CCDC167: variants seen among roughly 807,000 people sequenced by gnomAD.
CCDC167 encodes coiled-coil domain containing 167.
In CCDC167, 15 loss-of-function variants were observed where a neutral mutation model predicts 12.7. The ratio of observed to expected loss-of-function variants is 1.18; its 90% CI spans 0.79 to 1.81. CCDC167 has a LOEUF of 1.81. CCDC167 is among the 40% of genes most tolerant of loss of function. CCDC167 has a pLI of 0.00. For missense variants in CCDC167, 121 were observed against 120.1 expected (o/e 1.01, Z -0.03); for synonymous variants, 52 against 49.0 (o/e 1.06, Z -0.26).
At chr6:37,491,810 C>CTG (rs2113907829) in intron 1 of CCDC167, among the ~76,000 whole-genome samples, 1 of 152,346 alleles carries the variant, frequency 6.6e-6, no homozygotes, top group South Asian at 2.1e-4. Context: ...CGCAAGAACC[C>CTG]TGTGAGGTGG....
At chr6:37,483,550 G>A (rs1761898508) in intron 3 of CCDC167, among the ~76,000 whole-genome samples, 1 of 152,236 alleles carries the variant, frequency 6.6e-6, no homozygotes, top group African/African-American at 2.4e-5. Context: ...TTGAGGGTGA[G>A]GTGGGTGAGG....
chr6:37,499,681 C>A, intron 1 of CCDC167, 141 bp downstream of exon 1: 3 of 974,246 alleles, frequency 3.1e-6, no homozygotes, highest in Non-Finnish European at 4.8e-6. Flanking sequence ...CTTCTCACCC[C>A]TCCCGTCCCT....
At position 37,498,547 on chromosome 6, in the gene CCDC167, T is replaced by C. The variant is rs1581769690; in HGVS notation, c.42+1275A>G. ...AAAAAAAATGCAGATTCTGGCCGGC[T>C]GTGGTGGCTCATGCCTGTAATCCCA... On this transcript the variant is annotated intron_variant, in intron 1 of 3. Transcript: ENST00000373408. 2.0e-5 allele frequency among the ~76,000 whole-genome samples: 3 copies of C among 149,802 alleles called. No individual in the cohort carries two copies. The South Asian group carries it at 6.3e-4, about 32-fold the overall frequency.
At chr6:37,498,071 C>A (rs532519649) in intron 1 of CCDC167, among the ~76,000 whole-genome samples, 23 of 152,230 alleles carry the variant, frequency 1.5e-4, no homozygotes, top group African/African-American at 5.3e-4. Context: ...GCCACAAAAG[C>A]ACTGTGAGTA....
intron 1 of CCDC167, among the ~76,000 whole-genome samples, chr6:37,498,484 A>G (rs572152060): frequency 1.3e-5 from 2 of 151,026 alleles, no homozygotes; most frequent in African/African-American, 4.9e-5. Flanking sequence ...CACTAAAACT[A>G]CCCACATCAC....
intron 3 of CCDC167, among the ~76,000 whole-genome samples, chr6:37,483,720 C>G (rs1336994083): frequency 6.6e-6 from 1 of 152,212 alleles, no homozygotes; most frequent in Non-Finnish European, 1.5e-5. Flanking sequence ...TTGGGCCTGA[C>G]AGTGGAGGAG....
At chr6:37,487,551 T>C (rs1761960599) in intron 1 of CCDC167, among the ~76,000 whole-genome samples, 1 of 152,250 alleles carries the variant, frequency 6.6e-6, no homozygotes, top group Non-Finnish European at 1.5e-5. Context: ...GTGAGATTTC[T>C]CCTTAACAGT....
At position 37,496,625 on chromosome 6, in the gene CCDC167, A is replaced by G. The variant is rs148744636; in HGVS notation, c.42+3197T>C. ...CATGGTGGAAGGATGCAAAAGAAAT[A>G]CAAAGGCTGGAGCTACCATGTATTG... On this transcript the variant is annotated intron_variant, in intron 1 of 3. Transcript: ENST00000373408. 1.6e-4 allele frequency among the ~76,000 whole-genome samples: 24 copies of G among 152,296 alleles called. No homozygotes were observed. In the East Asian group the frequency reaches 4.0e-3, roughly 26 times the overall value.
rs541234466 is a variant in CCDC167 at position 37,483,269 on chromosome 6, G to C, written c.211C>G (p.Arg71Gly). 1 of 1,613,848 alleles carries C rather than the reference G, an allele frequency of 6.2e-7. No individual in the cohort carries two copies. The highest frequency in any genetic ancestry group is 1.1e-5 in the South Asian group (1 of 91,052). ...SNYEKELKFL[R>G]QENRKNMLLS... is the part of the protein sequence containing the mutation. ...AGCATGTTCTTCCGGTTCTCTTGCC[G>C]AAGAAACTTCAGTTCCTTCTCTGGG... Residue 71 changes from arginine to glycine, a missense_variant, in exon 4 of 4, where the codon CGG becomes GGG. Physicochemically the swap from Arg to Gly is moderately radical, Grantham distance 125 (BLOSUM62 -2). Transcript: ENST00000373408.
intron 1 of CCDC167, 123 bp from the exon 2 acceptor site, chr6:37,485,317 G>A (rs1437717638): frequency 2.8e-6 from 2 of 709,050 alleles, no homozygotes; most frequent in African/African-American, 1.8e-5. Context: ...TTTTGGCAGG[G>A]CAGGGCACCC....
intron 1 of CCDC167, among the ~76,000 whole-genome samples, chr6:37,497,134 G>A (rs1762106049): frequency 6.6e-6 from 1 of 152,254 alleles, no homozygotes; most frequent in South Asian, 2.1e-4. Flanking sequence ...TAAAGCTTTA[G>A]TGGAACACTG....
chr6:37,499,430 C>G (rs1465548060), intron 1 of CCDC167, among the ~76,000 whole-genome samples: 1 of 152,098 alleles, frequency 6.6e-6, no homozygotes, highest in African/African-American at 2.4e-5. Context: ...GAGTCCTAGC[C>G]CTTTGGGAGT....
chr6:37,498,717 C>T (rs559783080), intron 1 of CCDC167, among the ~76,000 whole-genome samples: 3 of 152,008 alleles, frequency 2.0e-5, no homozygotes, highest in South Asian at 2.1e-4. Context: ...CCCAGCTACT[C>T]GGGAGGCTGA....
intron 1 of CCDC167, among the ~76,000 whole-genome samples, chr6:37,494,821 T>TTTTTTTTTTTG (rs57496870): frequency 1.3e-5 from 2 of 150,040 alleles, no homozygotes; most frequent in Non-Finnish European, 1.5e-5. Context: ...TTTTTTTTTT[T>TTTTTTTTTTTG]GAGACGGGGT....
rs755263071 is a variant in CCDC167 at position 37,483,146 on chromosome 6, C to T, written c.*40G>A. Reference sequence around the variant, plus strand: ...TGCCTGCTTGATCCTGATCAAGGGGCCAAGTGGAAGCCTGTGCTGGTTGTG... The same window carrying T: ...TGCCTGCTTGATCCTGATCAAGGGGTCAAGTGGAAGCCTGTGCTGGTTGTG... On this transcript the variant is annotated 3_prime_UTR_variant, in exon 4 of 4. Coordinates refer to ENST00000373408, the MANE Select transcript of CCDC167 (RefSeq NM_138493.3). The T allele has an allele frequency of 8.7e-6, 13 of 1,497,320 alleles. No individual in the cohort carries two copies. The highest frequency in any genetic ancestry group is 1.2e-5 in the Non-Finnish European group (13 of 1,073,722). The allele number at this position is 1,497,320 out of a possible 1,614,324, so 92.8% of individuals were successfully genotyped here.
chr6:37,498,132 G>A (rs1040565023), intron 1 of CCDC167, among the ~76,000 whole-genome samples: 2 of 152,138 alleles, frequency 1.3e-5, no homozygotes, highest in African/African-American at 4.8e-5. Context: ...ATTCGCAAAT[G>A]TGGAATCTGT....
chr6:37,492,090 A>C (rs539613591), intron 1 of CCDC167, among the ~76,000 whole-genome samples: 1 of 152,314 alleles, frequency 6.6e-6, no homozygotes, highest in African/African-American at 2.4e-5. Flanking sequence ...TCCATCTTAC[A>C]GAGGTGCAAG....
intron 1 of CCDC167, among the ~76,000 whole-genome samples, chr6:37,494,604 A>G (rs1317903849): frequency 1.3e-5 from 2 of 152,286 alleles, no homozygotes; most frequent in Admixed American, 6.5e-5. Flanking sequence ...GTCAGCTAGG[A>G]GACTCCTGGG....
intron 1 of CCDC167, among the ~76,000 whole-genome samples, chr6:37,495,504 T>TA (rs1446725425): frequency 1.3e-5 from 2 of 152,228 alleles, no homozygotes; most frequent in Non-Finnish European, 2.9e-5. Flanking sequence ...TCATTTGAAC[T>TA]ATAATTTTCT....
Sources: allele counts gnomAD v4.1 joint callset (sites outside exome capture counted in the v4.1 genomes callset), GRCh38; gene constraint gnomAD v4.1.1; transcripts MANE v1.5; gene names NCBI Gene and HGNC (gene_info 2026-07-23, HGNC 2026-07-21).